MEIOSIN: variants seen among roughly 807,000 people sequenced by gnomAD.
The protein encoded by MEIOSIN is meiosis initiator, also known as meiosis initiator protein.
Under a neutral mutation model 23.4 loss-of-function variants are expected in MEIOSIN, and 18 were observed. That is an observed-to-expected ratio of 0.77 (90% CI 0.53 to 1.14). MEIOSIN has a LOEUF of 1.14. Among genes scored for constraint, MEIOSIN ranks in the 50% most tolerant of loss-of-function variants. MEIOSIN has a pLI of 0.00. For missense variants in MEIOSIN, 428 were observed against 242.9 expected (o/e 1.76, Z -5.07); for synonymous variants, 187 against 100.6 (o/e 1.86, Z -5.14).
intron 2 of MEIOSIN, among the ~76,000 whole-genome samples, chr19:45,736,445 C>G (rs905846618): frequency 6.6e-6 from 1 of 152,162 alleles, no homozygotes; most frequent in African/African-American, 2.4e-5. Flanking sequence ...TCACTGCAAC[C>G]TCTGCCTCCC....
intron 6 of MEIOSIN, 46 bp from the exon 7 acceptor site, chr19:45,754,422 TGGTGACAGGCA>T: frequency 1.5e-6 from 1 of 668,418 alleles, no homozygotes; most frequent in South Asian, 1.6e-5. Context: ...AACCCTATTC[TGGTGACAGGCA>T]GGTGACTCCC....
At chr19:45,748,247 A>T (rs1189331458) in intron 4 of MEIOSIN, among the ~76,000 whole-genome samples, 7 of 151,938 alleles carry the variant, frequency 4.6e-5, no homozygotes, top group Non-Finnish European at 4.4e-5. Context: ...CCGGCCAATT[A>T]GTTTTTGTAT....
chr19:45,762,405 T>C (rs1469670041), intron 13 of MEIOSIN, among the ~76,000 whole-genome samples: 1 of 152,140 alleles, frequency 6.6e-6, no homozygotes, highest in African/African-American at 2.4e-5. Flanking sequence ...GGCTTTAGAC[T>C]TCAGAAAAAA....
At position 45,759,051 on chromosome 19, in the gene MEIOSIN, C is replaced by A; in HGVS notation, c.1168+18C>A. The A allele has an allele frequency of 1.4e-6, 1 of 702,976 alleles. No individual in the cohort carries two copies. The highest frequency in any genetic ancestry group is 2.6e-6 in the Non-Finnish European group (1 of 384,952). 43.5% of individuals were successfully genotyped at this position (702,976 alleles called of 1,614,324 possible). The stretch of plus-strand genomic sequence containing the variant: ...GACCCAAGGTGAGGCCCAGGCCTGG[C>A]CCTGATGCTTAGTTCATTCGGGAAA... On this transcript the variant is annotated intron_variant, in intron 10 of 14. Transcript: ENST00000457052.
rs565719111 is a variant in MEIOSIN, at chr19:45,758,430, C to CT, written c.1013-438dup. ...ACATCATTTTGCTTCATTTCTTCTT[C>CT]TTTTTTTTTTAAATTTTGAGACAGG... On this transcript the variant is annotated intron_variant, in intron 9 of 14. Transcript: ENST00000457052. 8.8e-3 allele frequency among the ~76,000 whole-genome samples: 1,317 copies of CT among 149,108 alleles called. 14 individuals are homozygous for CT. Among genetic ancestry groups the CT allele is most frequent in the African/African-American group, 0.027 (1,090 of 40,698 alleles).
intron 7 of MEIOSIN, 33 bp from the exon 8 acceptor site, chr19:45,755,937 C>T: frequency 4.3e-6 from 3 of 697,480 alleles, no homozygotes; most frequent in Non-Finnish European, 7.8e-6. Flanking sequence ...TTGGTCCAGT[C>T]CCCAGGCATG....
intron 4 of MEIOSIN, among the ~76,000 whole-genome samples, chr19:45,747,976 C>A (rs1968625639): frequency 6.6e-6 from 1 of 152,128 alleles, no homozygotes; most frequent in African/African-American, 2.4e-5. Context: ...CCCCGCTACC[C>A]AGGAGGCTGA....
chr19:45,739,951 G>A (rs1191356433), intron 3 of MEIOSIN, among the ~76,000 whole-genome samples: 1 of 151,940 alleles, frequency 6.6e-6, no homozygotes, highest in Non-Finnish European at 1.5e-5. Flanking sequence ...GGGTTTAAGT[G>A]ATTCTCCTGC....
intron 5 of MEIOSIN, among the ~76,000 whole-genome samples, chr19:45,753,176 T>C (rs1028969151): frequency 2.6e-5 from 4 of 151,942 alleles, no homozygotes; most frequent in African/African-American, 4.8e-5. Flanking sequence ...CTGTTCGGAG[T>C]GATCTAGACG....
At chr19:45,757,827 G>C (rs1968861104) in intron 9 of MEIOSIN, among the ~76,000 whole-genome samples, 1 of 151,616 alleles carries the variant, frequency 6.6e-6, no homozygotes, top group South Asian at 2.1e-4. Flanking sequence ...AACTCTTTTT[G>C]TGTTTTTGTT....
rs116007597 is a variant in MEIOSIN at position 45,764,096 on chromosome 19, C to G, written c.1895C>G (p.Pro632Arg). 2 of 398,518 alleles carry G rather than the reference C, an allele frequency of 5.0e-6. No homozygotes were observed. The highest frequency in any genetic ancestry group is 8.8e-6 in the Non-Finnish European group (2 of 226,058). 24.7% of individuals were successfully genotyped at this position (398,518 alleles called of 1,614,324 possible). ...CAGCTGCTGGCCGAGAAGGCCTTGC[C>G]GCTGCCCCCGCACCTCCAGTGAGAG... ...FYQLLAEKAL[P>R]LPPHLQ The change falls in exon 15 of 15, where the codon CCG becomes CGG. Residue 632 changes from proline to arginine, a missense_variant. Pro to Arg is a moderately radical substitution (Grantham distance 103, BLOSUM62 -2). Coordinates refer to ENST00000457052, the MANE Select transcript of MEIOSIN (RefSeq NM_001310124.2).
Position 45,753,865 on chromosome 19 carries a change from A to C in MEIOSIN, c.556+77A>C, listed in dbSNP as rs191451754. 1,127 of 637,686 alleles carry C rather than the reference A, an allele frequency of 1.8e-3. 7 individuals carry two copies. The African/African-American group carries it at 0.018, about 10-fold the overall frequency. The allele number at this position is 637,686 out of a possible 1,614,324, so 39.5% of individuals were successfully genotyped here. ...GGGCTCCTTCTCCAGGGATGTCCTT[A>C]CTCTGGGGGCCTTCTCAGCACCCTG... On this transcript the variant is annotated intron_variant, in intron 6 of 14. Coordinates refer to ENST00000457052, the MANE Select transcript of MEIOSIN (RefSeq NM_001310124.2).
At chr19:45,758,833 G>C (rs987202413) in intron 9 of MEIOSIN, 45 bp from the exon 10 acceptor site, 1 of 696,326 alleles carries the variant, frequency 1.4e-6, no homozygotes, top group South Asian at 1.5e-5. Context: ...CTAGGGCAGA[G>C]GGTGATCTCT....
chr19:45,755,692 C>A (rs1047382556), intron 7 of MEIOSIN, among the ~76,000 whole-genome samples: 13 of 152,106 alleles, frequency 8.5e-5, no homozygotes, highest in African/African-American at 3.1e-4. Flanking sequence ...CGTGATCCAC[C>A]GCCTCAGCCT....
At chr19:45,742,693 G>T (rs1267009094) in intron 3 of MEIOSIN, among the ~76,000 whole-genome samples, 1 of 151,832 alleles carries the variant, frequency 6.6e-6, no homozygotes, top group African/African-American at 2.4e-5. Flanking sequence ...GCAGGAGAAC[G>T]TGAGGGTGAG....
chr19:45,738,291 T>C (rs1255255652), intron 2 of MEIOSIN, among the ~76,000 whole-genome samples: 1 of 152,236 alleles, frequency 6.6e-6, no homozygotes, highest in South Asian at 2.1e-4. Flanking sequence ...TACGGGGTTA[T>C]GTCCTGATAA....
rs1174909836 is a variant in MEIOSIN at position 45,762,183 on chromosome 19, G to A, written c.1679G>A (p.Arg560Gln). Residue 560 changes from arginine to glutamine, a missense_variant and splice_region_variant, in exon 13 of 15, where the codon CGA (arginine) becomes CAA (glutamine). Physicochemically the swap from Arg to Gln is conservative, Grantham distance 43. Coordinates refer to ENST00000457052, the MANE Select transcript of MEIOSIN (RefSeq NM_001310124.2). ...FCRMNRKQYI[R>Q]SCPGTASTAA... ...AGGATGAACCGGAAGCAGTACATCC[G>A]GTGGGTAGGGGGTCGTCTTTGGCCC... The A allele has an allele frequency of 1.2e-5, 5 of 406,104 alleles. No individual in the cohort carries two copies. The highest frequency in any genetic ancestry group is 2.2e-5 in the Non-Finnish European group (5 of 230,884). 25.2% of individuals were successfully genotyped at this position (406,104 alleles called of 1,614,324 possible).
intron 11 of MEIOSIN, among the ~76,000 whole-genome samples, chr19:45,761,142 T>G (rs1968932836): frequency 1.5e-5 from 2 of 135,684 alleles, no homozygotes; most frequent in African/African-American, 5.5e-5. Context: ...TTTTTTTTTT[T>G]GAGACAGAGT....
chr19:45,737,920 C>CAA (rs747764457), intron 2 of MEIOSIN, among the ~76,000 whole-genome samples: 12 of 124,284 alleles, frequency 9.7e-5, no homozygotes, highest in Non-Finnish European at 1.0e-4. Flanking sequence ...AACTCTGTCT[C>CAA]AAAAAAAAAA....
Sources: gnomAD v4.1 joint callset for allele counts (sites outside exome capture counted in the v4.1 genomes callset) on GRCh38, gnomAD v4.1.1 for gene constraint, MANE v1.5 for transcripts, NCBI Gene and HGNC (gene_info 2026-07-23, HGNC 2026-07-21) for gene names.